Variants in CHORDC1 observed in about 807,000 individuals in gnomAD.
CHORDC1 encodes the protein cysteine and histidine-rich domain-containing protein 1.
In CHORDC1, 25 loss-of-function variants were observed where a neutral mutation model predicts 48.3. That is an observed-to-expected ratio of 0.52 (90% CI 0.38 to 0.72). The LOEUF (loss-of-function observed/expected upper bound fraction) is 0.72, where lower values mean the gene tolerates loss of function less well. Ranked by LOEUF, CHORDC1 falls within the 30% of genes least tolerant of loss-of-function variation. CHORDC1 has a pLI of 0.00. For synonymous variants in CHORDC1, 128 were observed against 126.4 expected (o/e 1.01, Z -0.09); for missense variants, 317 against 388.7 (o/e 0.82, Z 1.55).
chr11:90,218,273 T>C (rs113517362), intron 1 of CHORDC1, 89 bp from the exon 2 acceptor site: 11 of 968,150 alleles, frequency 1.1e-5, no homozygotes, highest in African/African-American at 5.2e-5. Flanking sequence ...TGTTAACCTT[T>C]AATCCTTTTT....
At chr11:90,222,634 G>A (rs932649574) in intron 1 of CHORDC1, 9 of 678,516 alleles carry the variant, frequency 1.3e-5, no homozygotes, top group East Asian at 2.8e-5. Context: ...GGGGAAACAC[G>A]TGGATCCATG....
chr11:90,211,899 T>G (rs887847512), intron 4 of CHORDC1: 2 of 152,242 alleles, frequency 1.3e-5, no homozygotes, highest in Admixed American at 1.3e-4. Flanking sequence ...ACTCAATAAA[T>G]AAGTATTAAA....
At chr11:90,213,319 G>C (rs1169275070) in intron 4 of CHORDC1, 3 of 631,676 alleles carry the variant, frequency 4.7e-6, no homozygotes, top group Middle Eastern at 2.5e-4. Context: ...ATTACAATAA[G>C]TGCCTACTTG....
At chr11:90,206,653 T>C (rs1175180829) in intron 6 of CHORDC1, 3 of 498,946 alleles carry the variant, frequency 6.0e-6, no homozygotes, top group Admixed American at 3.3e-5. Context: ...CATGTAAGTA[T>C]TGTCAAATAA....
At chr11:90,219,590 C>T (rs1202911221) in intron 1 of CHORDC1, among the ~76,000 whole-genome samples, 5 of 152,180 alleles carry the variant, frequency 3.3e-5, no homozygotes, top group African/African-American at 7.2e-5. Context: ...ATTCTTAAAC[C>T]ACAAACAATA....
At chr11:90,211,808 A>G (rs1237041777) in intron 4 of CHORDC1, 1 of 153,082 alleles carries the variant, frequency 6.5e-6, no homozygotes, top group African/African-American at 2.4e-5. Context: ...ATCGTATTGC[A>G]AGGCAATTTC....
At chr11:90,214,284 G>T in intron 3 of CHORDC1, 109 bp from the exon 4 acceptor site, 1 of 843,826 alleles carries the variant, frequency 1.2e-6, no homozygotes. Flanking sequence ...GTTTTCTCCA[G>T]TTTCAATACA....
At position 90,201,154 on chromosome 11, in the gene CHORDC1, T is replaced by C. The variant is rs1857535335; in HGVS notation, c.*1251A>G. On this transcript the variant is annotated 3_prime_UTR_variant, in exon 11 of 11. Transcript: ENST00000320585. ...AAATAGTACTTCTGCAAATTTTTCT[T>C]TGTAAGAATTCCATAAATACCAAGG... The C allele has an allele frequency of 6.6e-6, 1 of 151,978 alleles. No homozygotes were observed. Among genetic ancestry groups the C allele is most frequent in the South Asian group, 2.1e-4 (1 of 4,828 alleles). 9.4% of individuals were successfully genotyped at this position (151,978 alleles called of 1,614,324 possible).
chr11:90,211,280 G>C lies in CHORDC1; in HGVS notation c.368C>G (p.Ser123Cys), dbSNP rs1441372371. ...EPMTNLELKI[S>C]ASLKQALDKL... ...ATCAAGTGCTTGTTTTAGGGAGGCAGATATTTTTAATTCCAAATTTGTCAT... is the reference window on the plus strand; with the variant it reads ...ATCAAGTGCTTGTTTTAGGGAGGCACATATTTTTAATTCCAAATTTGTCAT... Residue 123 changes from serine to cysteine, a missense_variant, in exon 5 of 11, where the codon TCT becomes TGT. Physicochemically the swap from Ser to Cys is moderately radical, Grantham distance 112. Coordinates refer to ENST00000320585, the MANE Select transcript of CHORDC1 (RefSeq NM_012124.3). 1.9e-6 allele frequency: 3 copies of C among 1,609,466 alleles called. No homozygotes were observed. The highest frequency in any genetic ancestry group is 1.7e-5 in the Admixed American group (1 of 59,914).
intron 2 of CHORDC1, among the ~76,000 whole-genome samples, chr11:90,217,099 C>A (rs1049858919): frequency 1.3e-5 from 2 of 152,174 alleles, no homozygotes; most frequent in African/African-American, 4.8e-5. Flanking sequence ...AAGGTCTCAA[C>A]TTGCCCTACT....
intron 4 of CHORDC1, 84 bp from the exon 5 acceptor site, chr11:90,211,402 C>T: frequency 1.2e-6 from 1 of 842,354 alleles, no homozygotes; most frequent in East Asian, 2.5e-5. Flanking sequence ...TAAAAGCTTT[C>T]TGAGAAGCCA....
chr11:90,211,010 C>T (rs113243076), intron 5 of CHORDC1: 79 of 346,362 alleles, frequency 2.3e-4, no homozygotes, highest in African/African-American at 1.6e-3. Flanking sequence ...TATAGGTTCT[C>T]GTTTTGAATA....
Position 90,205,180 on chromosome 11 carries a change from T to A in CHORDC1, c.669+280A>T, listed in dbSNP as rs2186606. ...GTAGGAAGAGGCCATGGAGCTAATTTTATTAATTAAAGAAGACAAAAATTC... is the reference window on the plus strand; with the variant it reads ...GTAGGAAGAGGCCATGGAGCTAATTATATTAATTAAAGAAGACAAAAATTC... On this transcript the variant is annotated intron_variant, in intron 8 of 10. Coordinates refer to ENST00000320585, the MANE Select transcript of CHORDC1 (RefSeq NM_012124.3). Among the ~76,000 whole-genome samples, 9 of 151,970 alleles carry A rather than the reference T, an allele frequency of 5.9e-5. No homozygotes were observed. The East Asian group carries it at 1.7e-3, about 29-fold the overall frequency.
intron 2 of CHORDC1, among the ~76,000 whole-genome samples, chr11:90,217,494 C>A (rs1858044579): frequency 1.3e-5 from 2 of 152,160 alleles, no homozygotes; most frequent in African/African-American, 4.8e-5. Context: ...GAGATTGGCA[C>A]TAAATGTTTA....
chr11:90,205,454 ACT>A lies in CHORDC1; in HGVS notation c.669+4_669+5del. ...CCAGTGTGCTATTTTTGGAAGAGTTACTTACAGCATCTTTTTTAGTCCACATG... is the reference window on the plus strand; with the variant it reads ...CCAGTGTGCTATTTTTGGAAGAGTTATACAGCATCTTTTTTAGTCCACATG... On this transcript the variant is annotated splice_donor_5th_base_variant and intron_variant, in intron 8 of 10. Transcript: ENST00000320585. The A allele has an allele frequency of 6.6e-7, 1 of 1,509,946 alleles. No individual in the cohort carries two copies. Among genetic ancestry groups the A allele is most frequent in the Non-Finnish European group, 9.1e-7 (1 of 1,092,954 alleles). The allele number at this position is 1,509,946 out of a possible 1,614,324, so 93.5% of individuals were successfully genotyped here.
At chr11:90,212,613 AG>A (rs1361672376) in intron 4 of CHORDC1, 1 of 152,118 alleles carries the variant, frequency 6.6e-6, no homozygotes, top group African/African-American at 2.4e-5. Context: ...CTTAAAAAAA[AG>A]AAAAGTATGT....
chr11:90,209,118 C>T (rs1857786321), intron 6 of CHORDC1: 1 of 152,156 alleles, frequency 6.6e-6, no homozygotes, highest in Admixed American at 6.6e-5. Flanking sequence ...CTTCCCCAAT[C>T]CAGTAATTAC....
intron 2 of CHORDC1, chr11:90,216,390 T>C (rs1052162465): frequency 3.0e-5 from 7 of 235,056 alleles, no homozygotes; most frequent in African/African-American, 1.6e-4. Context: ...AGCAAGATTG[T>C]CCTTTTCTCT....
At chr11:90,205,968 A>C (rs1045412415) in intron 7 of CHORDC1, 2 of 521,506 alleles carry the variant, frequency 3.8e-6, no homozygotes, top group African/African-American at 3.9e-5. Flanking sequence ...ATGAAGAAAA[A>C]CAGGCAGTTT....
Sources: allele counts gnomAD v4.1 joint callset (sites outside exome capture counted in the v4.1 genomes callset), GRCh38; gene constraint gnomAD v4.1.1; transcripts MANE v1.5; gene names NCBI Gene and HGNC (gene_info 2026-07-23, HGNC 2026-07-21).